Variants in ACSL1 observed in about 807,000 individuals in gnomAD.
The protein encoded by ACSL1 is long-chain-fatty-acid--CoA ligase 1.
Under a neutral mutation model 98.4 loss-of-function variants are expected in ACSL1, and 41 were observed. The observed-to-expected ratio is 0.42, with a 90% CI of 0.32 to 0.54. The LOEUF (loss-of-function observed/expected upper bound fraction) is 0.54, where lower values mean the gene tolerates loss of function less well. ACSL1 is among the 20% of genes least tolerant of loss of function. The probability of loss-of-function intolerance (pLI) is 0.13; values close to 1 mark genes in which losing one functional copy is unlikely to be tolerated. For missense variants in ACSL1, 734 were observed against 883.1 expected, an observed-to-expected ratio of 0.83 and a Z score of 2.14; for synonymous variants, 316 against 322.7, an observed-to-expected ratio of 0.98 and a Z score of 0.22.
intron 1 of ACSL1, among the ~76,000 whole-genome samples, chr4:184,809,800 A>C (rs10471182): frequency 0.3 from 45,263 of 152,108 alleles, 8,132 homozygotes; most frequent in East Asian, 0.67. Context: ...TGTCTCAAAA[A>C]AAATAAAAAT....
In ACSL1 at chr4:184,784,011, A is replaced by G; in HGVS notation, c.311-20T>C. 6.3e-7 allele frequency: 1 copy of G among 1,596,804 alleles called. No individual in the cohort carries two copies. Among genetic ancestry groups the G allele is most frequent in the Non-Finnish European group, 8.6e-7 (1 of 1,165,010 alleles). On this transcript the variant is annotated intron_variant, in intron 3 of 20. Coordinates refer to ENST00000281455, the MANE Select transcript of ACSL1 (RefSeq NM_001995.5). The stretch of plus-strand genomic sequence containing the variant: ...CATTATCTAAAAAAAGAGAAAAAAC[A>G]ACAGATGGGCTGAACGTACATAAAT...
At chr4:184,787,067 A>C (rs562364703) in intron 3 of ACSL1, among the ~76,000 whole-genome samples, 38 of 152,346 alleles carry the variant, frequency 2.5e-4, no homozygotes, top group African/African-American at 8.9e-4. Context: ...ATGGTTCCTG[A>C]CCGTAAAAAG....
chr4:184,768,517 C>A, intron 11 of ACSL1, 67 bp from the exon 12 acceptor site: 1 of 1,531,968 alleles, frequency 6.5e-7, no homozygotes, highest in South Asian at 1.3e-5. Context: ...ATATGGACAA[C>A]ATCCAACATT....
chr4:184,786,680 AATAGG>A (rs1350570092), intron 3 of ACSL1, among the ~76,000 whole-genome samples: 2 of 150,390 alleles, frequency 1.3e-5, no homozygotes, highest in African/African-American at 4.9e-5. Context: ...AGTAAAAAAC[AATAGG>A]CACTTTCTTT....
intron 17 of ACSL1, among the ~76,000 whole-genome samples, chr4:184,761,862 C>G (rs1308460956): frequency 6.6e-6 from 1 of 152,202 alleles, no homozygotes; most frequent in African/African-American, 2.4e-5. Flanking sequence ...GGTGGTGGCT[C>G]ACGCCTGTAA....
chr4:184,825,907 C>A lies in ACSL1; in HGVS notation c.-33+9G>T, dbSNP rs1773449460. On this transcript the variant is annotated intron_variant, in intron 1 of 20. Transcript: ENST00000281455. The surrounding 1 kb of genome is among the most constrained non-coding windows in gnomAD (Gnocchi z 4.7). The stretch of plus-strand genomic sequence containing the variant: ...AGCAGGCGCGGCTCCGCACGGCGGG[C>A]GCACTCACCTCCTCCGTGGACCGGC... 1 of 148,494 alleles carries A rather than the reference C, an allele frequency of 6.7e-6. No homozygotes were observed. 9.2% of individuals were successfully genotyped at this position (148,494 alleles called of 1,614,324 possible). A position where few individuals can be genotyped will look rare whatever the true frequency, so the allele number is the denominator to read the frequency against.
chr4:184,780,412 T>C lies in ACSL1; in HGVS notation c.397A>G (p.Ile133Val), dbSNP rs1272340296. ...YKQVAELSECIGSALIQKGFK... is the reference protein window; with the variant it reads ...YKQVAELSECVGSALIQKGFK... The stretch of plus-strand genomic sequence containing the variant: ...CCCTTCTGGATCAGTGCTGAGCCTA[T>C]GCACTCCGACAATTCTGCAACCTAA... The change falls in exon 5 of 21, where the codon ATA (isoleucine) becomes GTA (valine). Residue 133 changes from isoleucine (I) to valine (V), a missense_variant. Coordinates refer to ENST00000281455, the MANE Select transcript of ACSL1 (RefSeq NM_001995.5). 3.1e-6 allele frequency: 5 copies of C among 1,613,074 alleles called. No homozygotes were observed. In the Admixed American group the frequency reaches 8.3e-5, roughly 27 times the overall value.
In ACSL1 at chr4:184,784,241, C is replaced by T. The variant is rs547284081; in HGVS notation, c.311-250G>A. Among the ~76,000 whole-genome samples the T allele has an allele frequency of 1.2e-3, 178 of 152,218 alleles. 1 individual carries two copies. The highest frequency in any genetic ancestry group is 3.4e-3 in the Middle Eastern group (1 of 294). ...GGACAGAGGGGAGAAAAGGCAATAT[C>T]CAACTCTTAAGGGCACTTAATTTGT... is the stretch of plus-strand genomic sequence containing the variant. On this transcript the variant is annotated intron_variant, in intron 3 of 20. Transcript: ENST00000281455.
At position 184,794,915 on chromosome 4, in the gene ACSL1, C is replaced by T. The variant is rs140309692; in HGVS notation, c.196-6184G>A. Reference sequence around the variant, plus strand: ...TCCAGTTTCCAACTTCCCGGCTCCCCACTATCCCAGAGGATTTGCTGAAGA... The same window carrying T: ...TCCAGTTTCCAACTTCCCGGCTCCCTACTATCCCAGAGGATTTGCTGAAGA... On this transcript the variant is annotated intron_variant, in intron 2 of 20. Coordinates refer to ENST00000281455, the MANE Select transcript of ACSL1 (RefSeq NM_001995.5). Among the ~76,000 whole-genome samples, 20 of 133,772 alleles carry T rather than the reference C, an allele frequency of 1.5e-4. No individual in the cohort carries two copies. The East Asian group carries it at 4.2e-3, about 28-fold the overall frequency. The allele number at this position is 133,772 out of a possible 152,430, so 87.8% of individuals were successfully genotyped here.
rs192692156 is a variant in ACSL1 at position 184,765,775 on chromosome 4, C to T, written c.1359+116G>A. 42 of 791,366 alleles carry T rather than the reference C, an allele frequency of 5.3e-5. No homozygotes were observed. In the African/African-American group the frequency reaches 5.6e-4, roughly 11 times the overall value. 49.0% of individuals were successfully genotyped at this position (791,366 alleles called of 1,614,324 possible). On this transcript the variant is annotated intron_variant, in intron 14 of 20. Coordinates refer to ENST00000281455, the MANE Select transcript of ACSL1 (RefSeq NM_001995.5). ...TGTTGTTACGCCATAAATATAGATA[C>T]GCTTGTCAATTAAGAAAGAACACAC... is the stretch of plus-strand genomic sequence containing the variant.
intron 6 of ACSL1, 92 bp from the exon 7 acceptor site, chr4:184,776,754 A>T: frequency 6.7e-7 from 1 of 1,490,930 alleles, no homozygotes; most frequent in Non-Finnish European, 9.1e-7. Flanking sequence ...GAAGTACTAC[A>T]TTCTTTGAAT....
chr4:184,757,133 T>C lies in ACSL1; in HGVS notation c.2089A>G (p.Lys697Glu). 1 of 1,588,530 alleles carries C rather than the reference T, an allele frequency of 6.3e-7. No homozygotes were observed. Among genetic ancestry groups the C allele is most frequent in the African/African-American group, 1.3e-5 (1 of 74,566 alleles). The change falls in exon 21 of 21, where the codon AAG becomes GAG. Residue 697 changes from lysine (K) to glutamate (E), a missense_variant. Coordinates refer to ENST00000281455, the MANE Select transcript of ACSL1 (RefSeq NM_001995.5). The surrounding 1 kb of genome is among the most constrained non-coding windows in gnomAD (Gnocchi z 4.5). ...GAGCTTTCTTCTTCACACTAAACCT[T>C]GATAGTGGAATAGAGGTCATCTATC... The part of the protein sequence containing the change: ...SQIDDLYSTI[K>E]V
Position 184,760,365 on chromosome 4 carries a change from T to G in ACSL1, c.1774A>C (p.Ser592Arg). ...PVAQVFVHGE[S>R]LQAFLIAIVV... Reference sequence around the variant, plus strand: ...ACCCAGAAAGCACATACCTGCAGGCTTTCTCCGTGGACAAACACCTGAGCA... The same window carrying G: ...ACCCAGAAAGCACATACCTGCAGGCGTTCTCCGTGGACAAACACCTGAGCA... Residue 592 changes from serine (S) to arginine (R), a missense_variant, in exon 18 of 21, where the codon AGC becomes CGC. Physicochemically the swap from Ser to Arg is moderately radical, Grantham distance 110 (BLOSUM62 -1). Coordinates refer to ENST00000281455, the MANE Select transcript of ACSL1 (RefSeq NM_001995.5). 1 of 1,614,120 alleles carries G rather than the reference T, an allele frequency of 6.2e-7. No homozygotes were observed. The highest frequency in any genetic ancestry group is 8.5e-7 in the Non-Finnish European group (1 of 1,180,000).
intron 1 of ACSL1, among the ~76,000 whole-genome samples, chr4:184,814,290 CAAAAAAAAAAA>C (rs61541962): frequency 4.6e-5 from 3 of 64,550 alleles, no homozygotes; most frequent in Non-Finnish European, 8.5e-5. Context: ...GACTCCGCCT[CAAAAAAAAAAA>C]AAAAAAAAAA....
chr4:184,761,107 G>A (rs929072496), intron 17 of ACSL1, among the ~76,000 whole-genome samples: 3 of 152,104 alleles, frequency 2.0e-5, no homozygotes, highest in Non-Finnish European at 4.4e-5. Context: ...TCCCCACCCC[G>A]GGGCCACTCT....
chr4:184,770,794 T>C (rs928760096), intron 10 of ACSL1, among the ~76,000 whole-genome samples: 1 of 152,194 alleles, frequency 6.6e-6, no homozygotes, highest in Admixed American at 6.5e-5. Context: ...AGAAACGGCT[T>C]TTGCTTATGG....
Position 184,825,157 on chromosome 4 carries a change from A to G in ACSL1, c.-33+759T>C, listed in dbSNP as rs1773366551. ...GTGGGGAAGGGGTTTCCACACTCTC[A>G]CAACGCACCGACTGGGGGAACGCCT... is the stretch of plus-strand genomic sequence containing the variant. On this transcript the variant is annotated intron_variant, in intron 1 of 20. Transcript: ENST00000281455. This position sits in a 1 kb window ranked among gnomAD's most constrained non-coding sequence, Gnocchi z 4.7. The G allele has an allele frequency of 1.0e-6, 1 of 984,950 alleles. No individual in the cohort carries two copies. Among genetic ancestry groups the G allele is most frequent in the Non-Finnish European group, 1.2e-6 (1 of 829,632 alleles). The allele number at this position is 984,950 out of a possible 1,614,324, so 61.0% of individuals were successfully genotyped here. A position where few individuals can be genotyped will look rare whatever the true frequency, so the allele number is the denominator to read the frequency against.
chr4:184,805,534 G>A, intron 1 of ACSL1: 2 of 985,518 alleles, frequency 2.0e-6, no homozygotes, highest in Non-Finnish European at 2.4e-6. Context: ...CACCATCTGT[G>A]CCACCAACAG....
intron 1 of ACSL1, among the ~76,000 whole-genome samples, chr4:184,824,969 C>G (rs970643451): frequency 9.9e-5 from 15 of 152,162 alleles, no homozygotes; most frequent in Non-Finnish European, 1.9e-4. Context: ...CAGTTTCTCT[C>G]AACGCTAATC....
Sources: gnomAD v4.1 joint callset for allele counts (sites outside exome capture counted in the v4.1 genomes callset) on GRCh38, gnomAD v4.1.1 for gene constraint, Gnocchi (gnomAD v3.1) non-coding constraint, MANE v1.5 for transcripts, NCBI Gene and HGNC (gene_info 2026-07-23, HGNC 2026-07-21) for gene names.